Variants in FLG observed in about 807,000 individuals in gnomAD.
FLG encodes filaggrin.
Under a neutral mutation model 3.8 loss-of-function variants are expected in FLG, and 6 were observed. That is an observed-to-expected ratio of 1.60 (90% confidence interval 0.87 to 3.15). The LOEUF (loss-of-function observed/expected upper bound fraction) is 3.15, where lower values mean the gene tolerates loss of function less well. Ranked by LOEUF, FLG falls within the 30% of genes most tolerant of loss-of-function variation. FLG has a pLI of 0.00. For missense variants in FLG, 7,595 were observed against 5,050.9 expected (o/e 1.50, Z -15.27); for synonymous variants, 2,551 against 1,931.6 (o/e 1.32, Z -8.41).
rs757830053 is a variant in FLG, at chr1:152,308,685, G to C, written c.6201C>G (p.Pro2067=). ...QSVSAQGKAG[P]HQQSHKESAR... The stretch of plus-strand genomic sequence containing the variant: ...CGGACTCTTTGTGGCTCTGCTGATG[G>C]GGCCCAGCTTTTCCCTGTGCTGACA... Residue 2067 remains proline, a synonymous_variant, in exon 3 of 3, where the codon CCC becomes CCG. Coordinates refer to ENST00000368799, the MANE Select transcript of FLG (RefSeq NM_002016.2). 6.2e-6 allele frequency: 10 copies of C among 1,614,134 alleles called. No homozygotes were observed. The South Asian group carries it at 9.9e-5, about 16-fold the overall frequency.
Position 152,306,311 on chromosome 1 carries a change from G to T in FLG, c.8575C>A (p.His2859Asn), listed in dbSNP as rs776454205. The change falls in exon 3 of 3, where the codon CAT becomes AAT. Residue 2859 changes from histidine to asparagine, a missense_variant. Transcript: ENST00000368799. Reference sequence around the variant, plus strand: ...ATGTCGGCATGAGTGGAAGCTTCATGGTGACGCGACCCTGAGTGCCTGGAG... The same window carrying T: ...ATGTCGGCATGAGTGGAAGCTTCATTGTGACGCGACCCTGAGTGCCTGGAG... The part of the protein sequence containing the change: ...DGSRHSGSRH[H>N]EASTHADISR... The T allele has an allele frequency of 1.4e-5, 22 of 1,603,526 alleles. No homozygotes were observed. Among genetic ancestry groups the T allele is most frequent in the Non-Finnish European group, 1.9e-5 (22 of 1,180,006 alleles).
At position 152,310,813 on chromosome 1, in the gene FLG, C is replaced by A. The variant is rs375806668; in HGVS notation, c.4073G>T (p.Gly1358Val). The change falls in exon 3 of 3, where the codon GGA (glycine) becomes GTA (valine). Residue 1358 changes from glycine (G) to valine (V), a missense_variant. Physicochemically the swap from Gly to Val is moderately radical, Grantham distance 109. Coordinates refer to ENST00000368799, the MANE Select transcript of FLG (RefSeq NM_002016.2). The stretch of plus-strand genomic sequence containing the variant: ...GTCTGCTGACTGCTGGTGGCGGGAT[C>A]CATGTCTTTCTCCTGGACTTGATCT... ...QARSSPGERH[G>V]SRHQQSADSS... 14 of 1,611,988 alleles carry A rather than the reference C, an allele frequency of 8.7e-6. 1 individual carries two copies. Among genetic ancestry groups the A allele is most frequent in the Non-Finnish European group, 1.2e-5 (14 of 1,179,144 alleles).
chr1:152,310,046 C>T lies in FLG; in HGVS notation c.4840G>A (p.Ala1614Thr). 1 of 1,613,948 alleles carries T rather than the reference C, an allele frequency of 6.2e-7. No individual in the cohort carries two copies. Among genetic ancestry groups the T allele is most frequent in the Non-Finnish European group, 8.5e-7 (1 of 1,179,996 alleles). Residue 1614 changes from alanine (A) to threonine (T), a missense_variant, in exon 3 of 3, where the codon GCT becomes ACT. Physicochemically the swap from Ala to Thr is moderately conservative, Grantham distance 58. Transcript: ENST00000368799. ...SEDSERRSES[A>T]SRNHYGSARE... is the part of the protein sequence containing the mutation. Reference sequence around the variant, plus strand: ...GCAGATCCATAATGGTTTCTGGAAGCCGACTCAGACCGCCTCTCAGAGTCT... The same window carrying T: ...GCAGATCCATAATGGTTTCTGGAAGTCGACTCAGACCGCCTCTCAGAGTCT...
rs149376159 is a variant in FLG, at chr1:152,311,736, C to G, written c.3150G>C (p.Pro1050=). ...SADSSRHSGI[P]RRQASSAVRD... ...TGACTGCAGATGAAGCTTGTCTGCG[C>G]GGAATGCCTGAGTGTCTGGAGCTGT... The change falls in exon 3 of 3, where the codon CCG becomes CCC. Residue 1050 remains proline (P), a synonymous_variant. Coordinates refer to ENST00000368799, the MANE Select transcript of FLG (RefSeq NM_002016.2). The G allele has an allele frequency of 1.2e-6, 2 of 1,613,906 alleles. No homozygotes were observed. The highest frequency in any genetic ancestry group is 1.1e-5 in the South Asian group (1 of 91,066).
In FLG at chr1:152,309,853, C is replaced by G. The variant is rs777358702; in HGVS notation, c.5033G>C (p.Gly1678Ala). Residue 1678 changes from glycine to alanine, a missense_variant, in exon 3 of 3, where the codon GGA becomes GCA. By Grantham distance (60) the Gly-to-Ala change is moderately conservative. Coordinates refer to ENST00000368799, the MANE Select transcript of FLG (RefSeq NM_002016.2). ...CTGGTGGCGGGATCCATGTCTTTCT[C>G]CTGGACTTGACCTTGCCTGTTCCTG... ...SSQEQARSSP[G>A]ERHGSRHQQS... 47 of 1,614,000 alleles carry G rather than the reference C, an allele frequency of 2.9e-5. 1 individual carries two copies. In the South Asian group the frequency reaches 4.7e-4, roughly 16 times the overall value.
In FLG at chr1:152,312,731, T is replaced by C. The variant is rs1265308092; in HGVS notation, c.2155A>G (p.Ser719Gly). ...GSRHQLQSAD[S>G]SRHSGTGHGQ... ...TGCCCAGTGCCTGAGTGTCTGGAGC[T>C]GTCTGCTGACTGGAGCTGGTGGCGG... Residue 719 changes from serine (S) to glycine (G), a missense_variant, in exon 3 of 3, where the codon AGC becomes GGC. Transcript: ENST00000368799. The C allele has an allele frequency of 2.5e-6, 4 of 1,614,026 alleles. No homozygotes were observed. The highest frequency in any genetic ancestry group is 3.4e-6 in the Non-Finnish European group (4 of 1,180,022).
chr1:152,311,629 A>T lies in FLG; in HGVS notation c.3257T>A (p.Val1086Glu). 6.2e-7 allele frequency: 1 copy of T among 1,613,854 alleles called. No individual in the cohort carries two copies. Among genetic ancestry groups the T allele is most frequent in the Middle Eastern group, 1.6e-4 (1 of 6,062 alleles). Residue 1086 changes from valine (V) to glutamate (E), a missense_variant, in exon 3 of 3, where the codon GTG (valine) becomes GAG (glutamate). Physicochemically the swap from Val to Glu is moderately radical, Grantham distance 121. Transcript: ENST00000368799. ...GHSEESDTQS[V>E]SGHGQDGPHQ... The stretch of plus-strand genomic sequence containing the variant: ...GGGCCCATCCTGTCCATGGCCTGAC[A>T]CTGACTGTGTGTCTGACTCCTCTGA...
rs3120649 is a variant in FLG, at chr1:152,311,335, G to T, written c.3551C>A (p.Ser1184Ter). ...CCCTGAGTGTCCAGATCTATCTACC[G>T]ATTGCTCATGGTGGGATCCCTGCCT... ...GGRQGSHHEQ[S>*]VDRSGHSGSH... Residue 1184 changes from serine (S) to a stop codon, truncating the protein, a stop_gained, in exon 3 of 3, where the codon TCG (serine) becomes TAG (stop). Transcript: ENST00000368799. LOFTEE classifies it low-confidence loss of function (END_TRUNC). 1 of 1,613,558 alleles carries T rather than the reference G, an allele frequency of 6.2e-7. No individual in the cohort carries two copies. The highest frequency in any genetic ancestry group is 8.5e-7 in the Non-Finnish European group (1 of 1,179,908).
rs748724298 is a variant in FLG at position 152,314,037 on chromosome 1, T to C, written c.849A>G (p.Pro283=). The change falls in exon 3 of 3, where the codon CCA becomes CCG. Residue 283 remains proline, a synonymous_variant. Coordinates refer to ENST00000368799, the MANE Select transcript of FLG (RefSeq NM_002016.2). The part of the protein sequence containing the change: ...RSRHENTSQV[P]LQESRTRKRR... ...GCTTTCTTGTCCTGGACTCCTGCAA[T>C]GGTACCTGGCTTGTATTTTCATGTC... The C allele has an allele frequency of 1.1e-5, 18 of 1,614,100 alleles. No homozygotes were observed. The highest frequency in any genetic ancestry group is 1.5e-5 in the Non-Finnish European group (18 of 1,180,038).
rs1460571295 is a variant in FLG, at chr1:152,313,665, A to C, written c.1221T>G (p.Ser407=). The C allele has an allele frequency of 1.2e-6, 2 of 1,613,728 alleles. No homozygotes were observed. The highest frequency in any genetic ancestry group is 1.7e-6 in the Non-Finnish European group (2 of 1,179,984). ...HSATGRGQAS[S]AVSDRGHRGS... is the part of the protein sequence containing the mutation. ...CCCGGTGTCCACGATCGCTGACTGC[A>C]GATGAAGCTTGCCCGCGCCCAGTGG... The change falls in exon 3 of 3, where the codon TCT becomes TCG. Residue 407 remains serine (S), a synonymous_variant. Coordinates refer to ENST00000368799, the MANE Select transcript of FLG (RefSeq NM_002016.2).
chr1:152,311,857 G>T lies in FLG; in HGVS notation c.3029C>A (p.Ala1010Glu), dbSNP rs776692168. The T allele has an allele frequency of 5.0e-6, 8 of 1,614,020 alleles. No individual in the cohort carries two copies. Among genetic ancestry groups the T allele is most frequent in the Admixed American group, 1.7e-5 (1 of 60,006 alleles). The change falls in exon 3 of 3, where the codon GCA becomes GAA. Residue 1010 changes from alanine (A) to glutamate (E), a missense_variant. Ala to Glu is a moderately radical substitution (Grantham distance 107). Transcript: ENST00000368799. The stretch of plus-strand genomic sequence containing the variant: ...AGCCTGTCCACCAGAGGAAGTCTCT[G>T]CGTGAGGAGTTCCTGATTGTCTGGA... ...DSSRQSGTPH[A>E]ETSSGGQAAS... is the part of the protein sequence containing the mutation.
chr1:152,310,568 A>T lies in FLG; in HGVS notation c.4318T>A (p.Ser1440Thr), dbSNP rs1188014067. 3.1e-6 allele frequency: 5 copies of T among 1,613,544 alleles called. No individual in the cohort carries two copies. The highest frequency in any genetic ancestry group is 4.2e-6 in the Non-Finnish European group (5 of 1,179,884). ...QSGESSGRSR[S>T]FLYQVSSHEQ... ...TGAGAGCTCACCTGGTAGAGGAAAG[A>T]CCTTGAACGTCCAGAGCTTTCCCCT... Residue 1440 changes from serine to threonine, a missense_variant, in exon 3 of 3, where the codon TCT becomes ACT. Transcript: ENST00000368799.
In FLG at chr1:152,307,731, G is replaced by A. The variant is rs1335416326; in HGVS notation, c.7155C>T (p.Ala2385=). 1.9e-6 allele frequency: 3 copies of A among 1,613,158 alleles called. No individual in the cohort carries two copies. The African/African-American group carries it at 4.0e-5, about 22-fold the overall frequency. The change falls in exon 3 of 3, where the codon GCC becomes GCT. Residue 2385 remains alanine (A), a synonymous_variant. Coordinates refer to ENST00000368799, the MANE Select transcript of FLG (RefSeq NM_002016.2). ...SEDSDTQSVS[A]HGQAGPHQQS... The stretch of plus-strand genomic sequence containing the variant: ...GCTGATGGGGCCCAGCCTGTCCGTG[G>A]GCTGACACTGACTGTGTGTCTGAGT...
rs146591738 is a variant in FLG at position 152,303,574 on chromosome 1, C to A, written c.11312G>T (p.Gly3771Val). ...ATCTACCGATTGCTCGTGGTAGGAT[C>A]CCTGTCTTCCTCCTCTCCTTGACCC... The part of the protein sequence containing the change: ...HPGSRRGGRQ[G>V]SYHEQSVDRS... The change falls in exon 3 of 3, where the codon GGA (glycine) becomes GTA (valine). Residue 3771 changes from glycine to valine, a missense_variant. Transcript: ENST00000368799. 9.4e-4 allele frequency: 1,525 copies of A among 1,613,964 alleles called. 1 individual carries two copies. The highest frequency in any genetic ancestry group is 1.2e-3 in the Non-Finnish European group (1,410 of 1,180,024).
chr1:152,312,275 G>C lies in FLG; in HGVS notation c.2611C>G (p.His871Asp). Residue 871 changes from histidine (H) to aspartate (D), a missense_variant, in exon 3 of 3, where the codon CAC becomes GAC. Physicochemically the swap from His to Asp is moderately conservative, Grantham distance 81. Transcript: ENST00000368799. ...CTTCCCTGGGATGTGGTGTGGCTGT[G>C]ATGGGACCCTGAGTGTCCAGACCTA... is the stretch of plus-strand genomic sequence containing the variant. ...VDRSGHSGSH[H>D]SHTTSQGRSD... 3 of 1,613,870 alleles carry C rather than the reference G, an allele frequency of 1.9e-6. No individual in the cohort carries two copies. The highest frequency in any genetic ancestry group is 2.5e-6 in the Non-Finnish European group (3 of 1,179,976).
At chr1:152,322,874 AAGG>A (rs1653025050) in intron 1 of FLG, among the ~76,000 whole-genome samples, 1 of 151,422 alleles carries the variant, frequency 6.6e-6, no homozygotes, top group African/African-American at 2.4e-5. Context: ...AAAGATTAAT[AAGG>A]TGATTTCTAA....
rs781611045 is a variant in FLG, at chr1:152,314,759, G to T, written c.139-12C>A. The T allele has an allele frequency of 1.9e-6, 3 of 1,613,662 alleles. No homozygotes were observed. Among genetic ancestry groups the T allele is most frequent in the Non-Finnish European group, 2.5e-6 (3 of 1,179,758 alleles). On this transcript the variant is annotated splice_polypyrimidine_tract_variant and intron_variant, in intron 2 of 2. Transcript: ENST00000368799. ...GGGTCATCTGGATTCTGTACAGAGG[G>T]AAGTCACAGAGGGAGACTGCATCAG...
At position 152,310,834 on chromosome 1, in the gene FLG, G is replaced by T; in HGVS notation, c.4052C>A (p.Ser1351Ter). 6.2e-7 allele frequency: 1 copy of T among 1,611,938 alleles called. No homozygotes were observed. Among genetic ancestry groups the T allele is most frequent in the East Asian group, 2.2e-5 (1 of 44,556 alleles). ...QAVSSHEQAR[S>*]SPGERHGSRH... ...GGATCCATGTCTTTCTCCTGGACTTGATCTTGCCTGTTCATGGGATGACAC... is the reference window on the plus strand; with the variant it reads ...GGATCCATGTCTTTCTCCTGGACTTTATCTTGCCTGTTCATGGGATGACAC... The change falls in exon 3 of 3, where the codon TCA (serine) becomes TAA (stop). Residue 1351 changes from serine to a stop codon, truncating the protein, a stop_gained. Transcript: ENST00000368799. LOFTEE classifies it low-confidence loss of function (END_TRUNC).
At position 152,303,705 on chromosome 1, in the gene FLG, A is replaced by T. The variant is rs540138145; in HGVS notation, c.11181T>A (p.Ala3727=). 6.2e-7 allele frequency: 1 copy of T among 1,613,800 alleles called. No homozygotes were observed. The highest frequency in any genetic ancestry group is 1.1e-5 in the South Asian group (1 of 91,042). ...HEQSESAHGR[A]GPSTGGRQGS... ...CTTGTCTTCCTCCAGTACTGGGCCC[A>T]GCCCGTCCATGGGCAGACTCAGACT... is the stretch of plus-strand genomic sequence containing the variant. The change falls in exon 3 of 3, where the codon GCT becomes GCA. Residue 3727 remains alanine (A), a synonymous_variant. Coordinates refer to ENST00000368799, the MANE Select transcript of FLG (RefSeq NM_002016.2).
Sources: gnomAD v4.1 joint callset for allele counts (sites outside exome capture counted in the v4.1 genomes callset) on GRCh38, gnomAD v4.1.1 for gene constraint, MANE v1.5 for transcripts, NCBI Gene and HGNC (gene_info 2026-07-23, HGNC 2026-07-21) for gene names.